The following TTI1 variants were observed in gnomAD, a reference collection of about 807,000 sequenced individuals.
TTI1 encodes TELO2-interacting protein 1 homolog.
Under a neutral mutation model 85.4 loss-of-function variants are expected in TTI1, and 52 were observed. The ratio of observed to expected loss-of-function variants is 0.61; its 90% CI spans 0.49 to 0.77. The LOEUF (loss-of-function observed/expected upper bound fraction) is 0.77, where lower values mean the gene tolerates loss of function less well. Ranked by LOEUF, TTI1 falls within the 30% of genes least tolerant of loss-of-function variation. TTI1 has a pLI of 0.00. For synonymous variants in TTI1, 512 were observed against 503.9 expected (o/e 1.02, Z -0.22); for missense variants, 1,173 against 1,296.0 (o/e 0.91, Z 1.46).
intron 1 of TTI1, among the ~76,000 whole-genome samples, chr20:38,024,358 T>C (rs1385561757): frequency 6.6e-6 from 1 of 152,212 alleles, no homozygotes; most frequent in African/African-American, 2.4e-5. Flanking sequence ...CCTATTCTTT[T>C]TGTTAAGTAT....
At chr20:37,990,294 A>G (rs964545563) in intron 7 of TTI1, among the ~76,000 whole-genome samples, 17 of 152,216 alleles carry the variant, frequency 1.1e-4, no homozygotes, top group African/African-American at 3.9e-4. Context: ...ATGATTCACA[A>G]CTACTATTTA....
intron 7 of TTI1, among the ~76,000 whole-genome samples, chr20:37,988,751 A>C (rs565975168): frequency 1.4e-4 from 22 of 152,314 alleles, no homozygotes; most frequent in African/African-American, 5.3e-4. Context: ...GGCTCTCTCT[A>C]TGTGGGCATG....
In TTI1 at chr20:38,013,111, G is replaced by A. The variant is rs773793356; in HGVS notation, c.706C>T (p.Leu236=). 2.5e-6 allele frequency: 4 copies of A among 1,614,120 alleles called. No individual in the cohort carries two copies. In the Admixed American group the frequency reaches 6.7e-5, roughly 27 times the overall value. Residue 236 remains leucine, a synonymous_variant, in exon 2 of 8, where the codon CTA becomes TTA. Transcript: ENST00000373447. ...KQGHSIVVSS[L]KIFYKTVSFI... Reference sequence around the variant, plus strand: ...CTCACTGTCTTGTAAAAGATCTTTAGGGAAGATACGACAATGCTGTGACCT... The same window carrying A: ...CTCACTGTCTTGTAAAAGATCTTTAAGGAAGATACGACAATGCTGTGACCT...
In TTI1 at chr20:37,995,681, T is replaced by TCA. The variant is rs200256238; in HGVS notation, c.3086+693_3086+694insTG. Among the ~76,000 whole-genome samples, 1,217 of 152,376 alleles carry TCA rather than the reference T, an allele frequency of 8.0e-3. 6 individuals are homozygous for TCA. The highest frequency in any genetic ancestry group is 0.023 in the African/African-American group (951 of 41,586). Reference sequence around the variant, plus strand: ...TCATGTCTGGGGAATGCTGTTGTGCTGAGTTTTAGCTCTTAGTCCTAAAGT... The same window carrying TCA: ...TCATGTCTGGGGAATGCTGTTGTGCTCAGAGTTTTAGCTCTTAGTCCTAAAGT... On this transcript the variant is annotated intron_variant, in intron 7 of 7. Coordinates refer to ENST00000373447, the MANE Select transcript of TTI1 (RefSeq NM_001303457.2).
intron 1 of TTI1, among the ~76,000 whole-genome samples, chr20:38,020,323 A>AAAAT: frequency 2.9e-3 from 145 of 50,342 alleles, no homozygotes; most frequent in Non-Finnish European, 4.1e-3. Flanking sequence ...AAAAAAAAAA[A>AAAAT]ATATATATAT....
chr20:38,010,335 A>G (rs1463718574), intron 2 of TTI1, among the ~76,000 whole-genome samples: 1 of 152,198 alleles, frequency 6.6e-6, no homozygotes, highest in Non-Finnish European at 1.5e-5. Flanking sequence ...CAGTACTGAG[A>G]TAAATACTGG....
intron 4 of TTI1, 56 bp from the exon 5 acceptor site, chr20:37,999,384 T>C (rs1230766502): frequency 3.0e-6 from 4 of 1,335,276 alleles, no homozygotes; most frequent in African/African-American, 1.5e-5. Flanking sequence ...ATACCTGGGA[T>C]CAAGTCACCA....
chr20:38,012,180 A>G lies in TTI1; in HGVS notation c.1637T>C (p.Ile546Thr). Residue 546 changes from isoleucine to threonine, a missense_variant, in exon 2 of 8, where the codon ATT becomes ACT. Ile to Thr is a moderately conservative substitution (Grantham distance 89). Transcript: ENST00000373447. Reference protein sequence around the residue: ...LEVEDLHEKHIKTNPEELREI... With the variant: ...LEVEDLHEKHTKTNPEELREI... ...TCTCAGTTCTTCTGGGTTTGTTTTA[A>G]TATGTTTTTCGTGAAGATCCTCAAC... 1.2e-6 allele frequency: 2 copies of G among 1,614,104 alleles called. No individual in the cohort carries two copies. Among genetic ancestry groups the G allele is most frequent in the Non-Finnish European group, 1.7e-6 (2 of 1,180,008 alleles).
intron 7 of TTI1, among the ~76,000 whole-genome samples, chr20:37,995,353 T>G (rs565261855): frequency 6.6e-6 from 1 of 152,388 alleles, no homozygotes; most frequent in East Asian, 1.9e-4. Context: ...AGGAGCAAGC[T>G]GGCTCTCCTC....
At position 38,012,528 on chromosome 20, in the gene TTI1, T is replaced by C. The variant is rs770585887; in HGVS notation, c.1289A>G (p.Lys430Arg). The stretch of plus-strand genomic sequence containing the variant: ...TAGCTCTAGAACTTGGATGAGTGCT[T>C]TGGAAAGCCGCTGGAGATGGGCCAC... ...NSVAHLQRLS[K>R]ALIQVLELDV... Residue 430 changes from lysine to arginine, a missense_variant, in exon 2 of 8, where the codon AAA becomes AGA. By Grantham distance (26) the Lys-to-Arg change is conservative. Coordinates refer to ENST00000373447, the MANE Select transcript of TTI1 (RefSeq NM_001303457.2). 1 of 1,614,172 alleles carries C rather than the reference T, an allele frequency of 6.2e-7. No individual in the cohort carries two copies. Among genetic ancestry groups the C allele is most frequent in the South Asian group, 1.1e-5 (1 of 91,070 alleles).
Position 38,012,261 on chromosome 20 carries a change from C to T in TTI1, c.1556G>A (p.Arg519Gln), listed in dbSNP as rs191869155. The T allele has an allele frequency of 2.0e-5, 33 of 1,614,162 alleles. No homozygotes were observed. Among genetic ancestry groups the T allele is most frequent in the East Asian group, 8.9e-5 (4 of 44,890 alleles). ...MELYHQSVVY[R>Q]KQAAMILNEL... ...ATTAAGGATCATGGCAGCTTGCTTC[C>T]GGTAAACCACAGATTGATGGTAAAG... The change falls in exon 2 of 8, where the codon CGG (arginine) becomes CAG (glutamine). Residue 519 changes from arginine to glutamine, a missense_variant. Arg to Gln is a conservative substitution (Grantham distance 43, BLOSUM62 1). Coordinates refer to ENST00000373447, the MANE Select transcript of TTI1 (RefSeq NM_001303457.2).
At position 38,002,671 on chromosome 20, in the gene TTI1, C is replaced by A. The variant is rs1568615951; in HGVS notation, c.2609G>T (p.Cys870Phe). ...IQIAMDVMER[C>F]IHLLSDKNLQ... The stretch of plus-strand genomic sequence containing the variant: ...ATTTTTATCTGACAACAAGTGGATG[C>A]AGCGTTCCATCACGTCCATGGCTAT... The change falls in exon 4 of 8, where the codon TGC becomes TTC. Residue 870 changes from cysteine to phenylalanine, a missense_variant. Cys to Phe is a radical substitution (Grantham distance 205). Coordinates refer to ENST00000373447, the MANE Select transcript of TTI1 (RefSeq NM_001303457.2). 30 of 1,614,118 alleles carry A rather than the reference C, an allele frequency of 1.9e-5. No individual in the cohort carries two copies. Among genetic ancestry groups the A allele is most frequent in the Non-Finnish European group, 2.5e-5 (29 of 1,180,054 alleles).
chr20:37,996,731 G>C lies in TTI1; in HGVS notation c.2998+18C>G. 6.3e-7 allele frequency: 1 copy of C among 1,591,826 alleles called. No homozygotes were observed. Among genetic ancestry groups the C allele is most frequent in the East Asian group, 2.2e-5 (1 of 44,450 alleles). ...GATGCTAAGTGTGTGTGTTCAGGTGGAACTGCCTGGTACCCACCTAGGTCC... is the reference window on the plus strand; with the variant it reads ...GATGCTAAGTGTGTGTGTTCAGGTGCAACTGCCTGGTACCCACCTAGGTCC... On this transcript the variant is annotated intron_variant, in intron 6 of 7. Transcript: ENST00000373447.
chr20:38,030,279 G>A (rs559508290), intron 1 of TTI1, among the ~76,000 whole-genome samples: 1 of 151,786 alleles, frequency 6.6e-6, no homozygotes, highest in South Asian at 2.1e-4. Context: ...GGGAGTGGAG[G>A]GAATCTCCAA....
At chr20:37,984,704 C>T (rs1207269098) in intron 7 of TTI1, among the ~76,000 whole-genome samples, 1 of 152,196 alleles carries the variant, frequency 6.6e-6, no homozygotes, top group Non-Finnish European at 1.5e-5. Context: ...CTGCCCCTTA[C>T]TTTTCTCTTT....
At position 38,026,799 on chromosome 20, in the gene TTI1, A is replaced by G. The variant is rs1291353082; in HGVS notation, c.-42+6605T>C. ...GCTTTCCTTATCCTCTTGAGTTTTC[A>G]AAACTATGTTTGACAGTTGAAGCAA... is the stretch of plus-strand genomic sequence containing the variant. On this transcript the variant is annotated intron_variant, in intron 1 of 7. Transcript: ENST00000373447. Among the ~76,000 whole-genome samples the G allele has an allele frequency of 3.3e-5, 5 of 152,274 alleles. No individual in the cohort carries two copies. In the East Asian group the frequency reaches 9.6e-4, roughly 29 times the overall value.
chr20:38,006,461 C>T, intron 2 of TTI1, 64 bp from the exon 3 acceptor site: 1 of 1,570,880 alleles, frequency 6.4e-7, no homozygotes, highest in Non-Finnish European at 8.7e-7. Flanking sequence ...ACTTTATACA[C>T]AGAATAAGCT....
At chr20:38,006,481 G>A in intron 2 of TTI1, 84 bp from the exon 3 acceptor site, 1 of 1,451,660 alleles carries the variant, frequency 6.9e-7, no homozygotes, top group Non-Finnish European at 9.5e-7. Context: ...TCTCTGCCCT[G>A]GCCTGCACAG....
At chr20:38,021,952 G>A (rs1307622788) in intron 1 of TTI1, among the ~76,000 whole-genome samples, 1 of 152,224 alleles carries the variant, frequency 6.6e-6, no homozygotes, top group East Asian at 1.9e-4. Flanking sequence ...AGGGGAAAAA[G>A]TGCAAAAGGA....
Sources: gnomAD v4.1 joint callset for allele counts (sites outside exome capture counted in the v4.1 genomes callset) on GRCh38, gnomAD v4.1.1 for gene constraint, MANE v1.5 for transcripts, NCBI Gene and HGNC (gene_info 2026-07-23, HGNC 2026-07-21) for gene names.